AOAH: variants seen among roughly 807,000 people sequenced by gnomAD.
AOAH encodes acyloxyacyl hydrolase.
A neutral mutation model predicts 92.2 loss-of-function variants in AOAH; 64 were observed. That is an observed-to-expected ratio of 0.69 (90% confidence interval 0.57 to 0.86). The LOEUF is 0.86. AOAH is among the 40% of genes least tolerant of loss of function. The probability of loss-of-function intolerance (pLI) is 0.00; values close to 1 mark genes in which losing one functional copy is unlikely to be tolerated. For synonymous variants in AOAH, 263 were observed against 254.5 expected (o/e 1.03, Z -0.32); for missense variants, 656 against 694.6 (o/e 0.94, Z 0.62).
At chr7:36,704,117 T>C (rs1030817798) in intron 1 of AOAH, among the ~76,000 whole-genome samples, 1 of 152,238 alleles carries the variant, frequency 6.6e-6, no homozygotes, top group African/African-American at 2.4e-5. Flanking sequence ...GATGAGGTTT[T>C]TTTTTCATGT....
chr7:36,631,350 CA>C (rs149488709), intron 6 of AOAH, among the ~76,000 whole-genome samples: 27,356 of 131,562 alleles, frequency 0.21, 2,747 homozygotes, highest in African/African-American at 0.31. Flanking sequence ...TCCATCATCT[CA>C]AAAAAAAAAA....
In AOAH at chr7:36,616,471, G is replaced by A; in HGVS notation, c.755C>T (p.Ser252Leu). The change falls in exon 11 of 21, where the codon TCA becomes TTA. Residue 252 changes from serine to leucine, a missense_variant. Ser to Leu is a moderately radical substitution (Grantham distance 145). Coordinates refer to ENST00000617537, the MANE Select transcript of AOAH (RefSeq NM_001637.4). ...CAGCAAAATGATTCCCCTGGGCTGT[G>A]AACCTAGGCAGCACAATTTATTCAC... is the stretch of plus-strand genomic sequence containing the variant. ...VPYEKKFCEG[S>L]QPRGIILLGD... The A allele has an allele frequency of 6.2e-7, 1 of 1,613,618 alleles. No homozygotes were observed. The highest frequency in any genetic ancestry group is 8.5e-7 in the Non-Finnish European group (1 of 1,179,574).
In AOAH at chr7:36,644,042, G is replaced by C. The variant is rs79994886; in HGVS notation, c.391-6132C>G. Among the ~76,000 whole-genome samples, 469 of 152,336 alleles carry C rather than the reference G, an allele frequency of 3.1e-3. 6 individuals carry two copies. Among genetic ancestry groups the C allele is most frequent in the Admixed American group, 7.7e-3 (118 of 15,300 alleles). On this transcript the variant is annotated intron_variant, in intron 4 of 20. Transcript: ENST00000617537. Reference sequence around the variant, plus strand: ...ATGGACTAATACAATGTTGTGCCATGAATTACATGCTGGGGAAATAGTAGG... The same window carrying C: ...ATGGACTAATACAATGTTGTGCCATCAATTACATGCTGGGGAAATAGTAGG...
chr7:36,615,107 C>T (rs943929346), intron 11 of AOAH, among the ~76,000 whole-genome samples: 5 of 152,130 alleles, frequency 3.3e-5, no homozygotes, highest in Admixed American at 6.5e-5. Context: ...GTCTGGCTTG[C>T]CTTTTCTGTC....
At chr7:36,683,315 C>A (rs1280599734) in intron 2 of AOAH, among the ~76,000 whole-genome samples, 1 of 152,100 alleles carries the variant, frequency 6.6e-6, no homozygotes, top group African/African-American at 2.4e-5. Context: ...CTTTAGACAA[C>A]AATTCAACTA....
intron 4 of AOAH, among the ~76,000 whole-genome samples, chr7:36,657,234 G>A (rs917433426): frequency 1.3e-5 from 2 of 152,192 alleles, no homozygotes; most frequent in Non-Finnish European, 2.9e-5. Context: ...TTGACACCAC[G>A]TTAGAGCTCA....
intron 4 of AOAH, among the ~76,000 whole-genome samples, chr7:36,654,416 G>A (rs184986494): frequency 1.3e-5 from 2 of 152,158 alleles, no homozygotes; most frequent in African/African-American, 2.4e-5. Context: ...AGTAGATAGT[G>A]GTAGGGAGAC....
At chr7:36,703,820 T>C (rs577763426) in intron 1 of AOAH, among the ~76,000 whole-genome samples, 1 of 152,352 alleles carries the variant, frequency 6.6e-6, no homozygotes, top group East Asian at 1.9e-4. Context: ...TTTGGGTATA[T>C]ACCCACTAAT....
intron 12 of AOAH, among the ~76,000 whole-genome samples, chr7:36,582,177 C>A (rs766260380): frequency 6.6e-6 from 1 of 152,128 alleles, no homozygotes; most frequent in African/African-American, 2.4e-5. Flanking sequence ...ATCCAGTGTT[C>A]CAGTGTGATC....
intron 6 of AOAH, among the ~76,000 whole-genome samples, chr7:36,628,042 A>G (rs562336340): frequency 1.3e-5 from 2 of 152,254 alleles, no homozygotes; most frequent in African/African-American, 4.8e-5. Flanking sequence ...TGTGTTATCC[A>G]ATGAAATGAG....
chr7:36,658,628 A>T (rs1795024942), intron 4 of AOAH, among the ~76,000 whole-genome samples: 1 of 152,210 alleles, frequency 6.6e-6, no homozygotes, highest in Non-Finnish European at 1.5e-5. Context: ...ACACTTTAAA[A>T]ACTGTATCAG....
At chr7:36,615,554 C>T (rs1262395099) in intron 11 of AOAH, among the ~76,000 whole-genome samples, 1 of 152,192 alleles carries the variant, frequency 6.6e-6, no homozygotes, top group Admixed American at 6.5e-5. Context: ...GAACCCCCTG[C>T]TTGTGTGTGT....
intron 11 of AOAH, chr7:36,599,740 T>C (rs975572326): frequency 1.7e-4 from 26 of 152,252 alleles, no homozygotes; most frequent in African/African-American, 6.3e-4. Context: ...AAGGGCTACC[T>C]GCTTAGCGTT....
At chr7:36,702,068 C>G (rs911950006) in intron 1 of AOAH, among the ~76,000 whole-genome samples, 1 of 152,020 alleles carries the variant, frequency 6.6e-6, no homozygotes, top group African/African-American at 2.4e-5. Flanking sequence ...CCATCCTCAC[C>G]TTGTATTTGG....
At chr7:36,586,170 G>A (rs1219999987) in intron 12 of AOAH, among the ~76,000 whole-genome samples, 1 of 152,004 alleles carries the variant, frequency 6.6e-6, no homozygotes, top group Non-Finnish European at 1.5e-5. Flanking sequence ...CAAGTATGCT[G>A]CAGGATTTTC....
Position 36,686,739 on chromosome 7 carries a change from C to T in AOAH, c.183G>A (p.Thr61=), listed in dbSNP as rs145856572. 66 of 1,576,464 alleles carry T rather than the reference C, an allele frequency of 4.2e-5. No homozygotes were observed. In the African/African-American group the frequency reaches 6.7e-4, roughly 16 times the overall value. Residue 61 remains threonine (T), a synonymous_variant, in exon 2 of 21, where the codon ACG becomes ACA. Transcript: ENST00000617537. ...ACAGTCTCTCCATCGAGGCCTGGAC[C>T]GTCGAGTTGTGAACTTGAGCAAGCT... The part of the protein sequence containing the change: ...IEQLAQVHNS[T]VQASMERLCS...
At chr7:36,717,730 T>A (rs911828284) in intron 1 of AOAH, among the ~76,000 whole-genome samples, 3 of 149,182 alleles carry the variant, frequency 2.0e-5, no homozygotes, top group East Asian at 2.0e-4. Context: ...TCTTCTTATT[T>A]TTTTTTTTTT....
rs1439022008 is a variant in AOAH at position 36,621,655 on chromosome 7, C to T, written c.653+55G>A. ...AGGCTGGGGGAAGGAAATGTGCCTC[C>T]TGCTTCCTTTTCTGAAGATAATTTT... On this transcript the variant is annotated intron_variant, in intron 8 of 20. Coordinates refer to ENST00000617537, the MANE Select transcript of AOAH (RefSeq NM_001637.4). 1.7e-5 allele frequency: 26 copies of T among 1,542,154 alleles called. No individual in the cohort carries two copies. In the East Asian group the frequency reaches 5.6e-4, roughly 33 times the overall value.
chr7:36,546,016 G>T (rs1785779073), intron 15 of AOAH, among the ~76,000 whole-genome samples: 1 of 152,236 alleles, frequency 6.6e-6, no homozygotes, highest in African/African-American at 2.4e-5. Context: ...AAGCGCAAAG[G>T]AAGCTGAGTT....
Sources: gnomAD v4.1 joint callset for allele counts (sites outside exome capture counted in the v4.1 genomes callset) on GRCh38, gnomAD v4.1.1 for gene constraint, MANE v1.5 for transcripts, NCBI Gene and HGNC (gene_info 2026-07-23, HGNC 2026-07-21) for gene names.